The following MYO1B variants were observed in gnomAD, a reference collection of about 807,000 sequenced individuals.
The protein encoded by MYO1B is unconventional myosin-Ib.
A neutral mutation model predicts 159.7 loss-of-function variants in MYO1B; 72 were observed. The observed-to-expected ratio is 0.45, with a 90% confidence interval of 0.37 to 0.55. The LOEUF is 0.55. Among genes scored for constraint, MYO1B ranks in the 20% least tolerant of loss-of-function variants. The pLI is 0.00. For synonymous variants in MYO1B, 468 were observed against 473.8 expected (o/e 0.99, Z 0.16); for missense variants, 1,062 against 1,364.8 (o/e 0.78, Z 3.50).
rs1355456634 is a variant in MYO1B, at chr2:191,385,910, G to A, written c.1380G>A (p.Leu460=). 1 of 1,614,098 alleles carries A rather than the reference G, an allele frequency of 6.2e-7. No individual in the cohort carries two copies. The highest frequency in any genetic ancestry group is 1.7e-5 in the Admixed American group (1 of 60,010). Residue 460 remains leucine, a synonymous_variant, in exon 16 of 31, where the codon CTG becomes CTA. Coordinates refer to ENST00000392318, the MANE Select transcript of MYO1B (RefSeq NM_001130158.3). The part of the protein sequence containing the change: ...ENNTNGILAM[L]DEECLRPGTV... ...ACACAAATGGAATCCTGGCCATGCT[G>A]GATGAAGAGTGCCTCAGACCTGGCA...
chr2:191,367,158 T>C (rs1010701189), intron 11 of MYO1B, among the ~76,000 whole-genome samples: 12 of 151,690 alleles, frequency 7.9e-5, no homozygotes, highest in African/African-American at 2.7e-4. Flanking sequence ...GAGTCTTCCC[T>C]CGTTTCTACA....
chr2:191,246,634 T>C lies in MYO1B; in HGVS notation c.-10+1008T>C, dbSNP rs535642083. Among the ~76,000 whole-genome samples the C allele has an allele frequency of 2.0e-5, 3 of 151,014 alleles. No homozygotes were observed. In the East Asian group the frequency reaches 6.0e-4, roughly 30 times the overall value. ...GTGTATGTGTGTGCCTCTGGGTCTGTGTGTGTAGCTAGTGGATATTGGCTG... is the reference window on the plus strand; with the variant it reads ...GTGTATGTGTGTGCCTCTGGGTCTGCGTGTGTAGCTAGTGGATATTGGCTG... On this transcript the variant is annotated intron_variant, in intron 1 of 30. Transcript: ENST00000392318.
chr2:191,385,497 A>G (rs1337853849), intron 15 of MYO1B, among the ~76,000 whole-genome samples: 1 of 148,682 alleles, frequency 6.7e-6, no homozygotes, highest in East Asian at 2.0e-4. Flanking sequence ...GACATGTTAT[A>G]GAGGCTGTAT....
intron 3 of MYO1B, among the ~76,000 whole-genome samples, chr2:191,326,275 TA>T (rs1257891170): frequency 6.6e-6 from 1 of 152,174 alleles, no homozygotes; most frequent in Admixed American, 6.5e-5. Context: ...GGTTTCAGTT[TA>T]TAGTTATAAA....
At chr2:191,399,933 T>A (rs1404172975) in intron 21 of MYO1B, among the ~76,000 whole-genome samples, 1 of 152,186 alleles carries the variant, frequency 6.6e-6, no homozygotes, top group Non-Finnish European at 1.5e-5. Flanking sequence ...AAGAAGTCAC[T>A]GGTTTGGGAT....
intron 1 of MYO1B, among the ~76,000 whole-genome samples, chr2:191,257,870 G>T (rs894825861): frequency 6.6e-6 from 1 of 152,074 alleles, no homozygotes; most frequent in Non-Finnish European, 1.5e-5. Context: ...CACAATTTAG[G>T]TATTTTATCT....
At chr2:191,369,447 C>T in intron 11 of MYO1B, 95 bp from the exon 12 acceptor site, 2 of 933,102 alleles carry the variant, frequency 2.1e-6, no homozygotes, top group Non-Finnish European at 3.3e-6. Flanking sequence ...AATAAAAGAG[C>T]TTCAAATATT....
At chr2:191,416,685 G>A (rs188757864) in intron 30 of MYO1B, among the ~76,000 whole-genome samples, 1 of 152,096 alleles carries the variant, frequency 6.6e-6, no homozygotes, top group African/African-American at 2.4e-5. Flanking sequence ...GTGGTGGCGG[G>A]CGCATGTAAT....
intron 3 of MYO1B, among the ~76,000 whole-genome samples, chr2:191,301,537 T>C (rs1358232967): frequency 1.3e-5 from 2 of 152,180 alleles, no homozygotes; most frequent in African/African-American, 4.8e-5. Context: ...TGATTCCGTG[T>C]CCCTAAGAGA....
At chr2:191,412,784 G>A (rs1235034466) in intron 27 of MYO1B, among the ~76,000 whole-genome samples, 5 of 152,116 alleles carry the variant, frequency 3.3e-5, no homozygotes, top group Admixed American at 1.3e-4. Context: ...AAGTCTTTAG[G>A]GAAATTGATA....
At chr2:191,372,583 T>C (rs1694427313) in intron 13 of MYO1B, among the ~76,000 whole-genome samples, 1 of 152,226 alleles carries the variant, frequency 6.6e-6, no homozygotes, top group African/African-American at 2.4e-5. Flanking sequence ...GGATGTATCC[T>C]ATCAGGTAGG....
At chr2:191,381,632 A>G in intron 14 of MYO1B, 66 bp downstream of exon 14, 1 of 1,168,142 alleles carries the variant, frequency 8.6e-7, no homozygotes, top group East Asian at 2.4e-5. Flanking sequence ...ATTCTAATTC[A>G]GAAGATAGCC....
At chr2:191,421,712 G>A (rs1285715461) in intron 30 of MYO1B, among the ~76,000 whole-genome samples, 1 of 152,222 alleles carries the variant, frequency 6.6e-6, no homozygotes, top group Non-Finnish European at 1.5e-5. Flanking sequence ...CTGGCCTCAA[G>A]TTACCTGCCT....
At chr2:191,373,410 T>C (rs1694500108) in intron 13 of MYO1B, among the ~76,000 whole-genome samples, 1 of 152,194 alleles carries the variant, frequency 6.6e-6, no homozygotes, top group Non-Finnish European at 1.5e-5. Context: ...TGGAGTAAAC[T>C]GCAGATTCCA....
At chr2:191,388,472 A>G (rs989879923) in intron 17 of MYO1B, among the ~76,000 whole-genome samples, 1 of 152,180 alleles carries the variant, frequency 6.6e-6, no homozygotes, top group African/African-American at 2.4e-5. Flanking sequence ...CATACCCACA[A>G]GTACCTTCTA....
chr2:191,328,868 CCATT>C (rs1267945657), intron 3 of MYO1B, among the ~76,000 whole-genome samples: 1 of 152,154 alleles, frequency 6.6e-6, no homozygotes, highest in East Asian at 1.9e-4. Flanking sequence ...TTCTCTGAGT[CCATT>C]CTCCACCCCT....
intron 11 of MYO1B, among the ~76,000 whole-genome samples, chr2:191,365,053 A>G (rs1025296655): frequency 2.6e-4 from 40 of 152,138 alleles, no homozygotes; most frequent in African/African-American, 8.7e-4. Flanking sequence ...CACAAATCTG[A>G]GCTGCTGCCT....
intron 3 of MYO1B, among the ~76,000 whole-genome samples, chr2:191,317,064 G>A (rs1041307812): frequency 7.2e-5 from 11 of 152,260 alleles, no homozygotes; most frequent in Non-Finnish European, 1.3e-4. Flanking sequence ...ATTTGCGGAG[G>A]CCGAAGGGGA....
At chr2:191,402,783 T>C in intron 24 of MYO1B, 65 bp downstream of exon 24, 1 of 1,229,114 alleles carries the variant, frequency 8.1e-7, no homozygotes, top group Non-Finnish European at 1.1e-6. Context: ...CTACTAACCC[T>C]GAGAAAATGA....
Sources: allele counts gnomAD v4.1 joint callset (sites outside exome capture counted in the v4.1 genomes callset), GRCh38; gene constraint gnomAD v4.1.1; transcripts MANE v1.5; gene names NCBI Gene and HGNC (gene_info 2026-07-23, HGNC 2026-07-21).